Variants in NTRK3 observed in about 807,000 individuals in gnomAD.
The protein encoded by NTRK3 is neurotrophic receptor tyrosine kinase 3.
NTRK3 carries 24 observed loss-of-function variants against 91.7 expected under a neutral mutation model. That is an observed-to-expected ratio of 0.26 (90% CI 0.19 to 0.37). The LOEUF (loss-of-function observed/expected upper bound fraction) is 0.37, where lower values mean the gene tolerates loss of function less well. Ranked by LOEUF, NTRK3 falls within the 10% of genes least tolerant of loss-of-function variation. The pLI, the probability that NTRK3 is intolerant of heterozygous loss-of-function variation, is 1.00. For synonymous variants in NTRK3, 483 were observed against 404.0 expected, an observed-to-expected ratio of 1.20 and a Z score of -2.34; for missense variants, 880 against 1,068.9, an observed-to-expected ratio of 0.82 and a Z score of 2.46.
At chr15:88,217,763 A>AGTTTT (rs1567665927) in intron 3 of NTRK3, among the ~76,000 whole-genome samples, 2 of 42,150 alleles carry the variant, frequency 4.7e-5, no homozygotes, top group South Asian at 1.6e-3. Context: ...TTTGTAGCAC[A>AGTTTT]ATTTTTTTTT....
chr15:87,985,872 G>T (rs2074724658), intron 14 of NTRK3, among the ~76,000 whole-genome samples: 1 of 152,116 alleles, frequency 6.6e-6, no homozygotes, highest in Non-Finnish European at 1.5e-5. Flanking sequence ...CTCAAAAAAA[G>T]GGGGGAGGTG....
intron 14 of NTRK3, among the ~76,000 whole-genome samples, chr15:88,015,996 G>A (rs939536890): frequency 5.9e-5 from 9 of 151,316 alleles, no homozygotes; most frequent in South Asian, 4.2e-4. Flanking sequence ...TTATGAAACC[G>A]TATGCAGAAT....
intron 3 of NTRK3, among the ~76,000 whole-genome samples, chr15:88,201,211 G>C (rs2048278486): frequency 2.0e-5 from 3 of 152,218 alleles, no homozygotes; most frequent in African/African-American, 7.2e-5. Context: ...GTGCTGGCTA[G>C]ACTCTGGGGA....
intron 9 of NTRK3, 136 bp from the exon 10 acceptor site, chr15:88,135,533 C>A: frequency 2.0e-6 from 2 of 1,011,870 alleles, no homozygotes; most frequent in Non-Finnish European, 3.0e-6. Flanking sequence ...GAAGTCCCAC[C>A]ACAATCCCAG....
At chr15:88,197,643 G>T (rs535305237) in intron 3 of NTRK3, among the ~76,000 whole-genome samples, 2 of 152,194 alleles carry the variant, frequency 1.3e-5, no homozygotes, top group Non-Finnish European at 2.9e-5. Flanking sequence ...CCTGAGGCTT[G>T]AATCCAGCTG....
intron 3 of NTRK3, among the ~76,000 whole-genome samples, chr15:88,203,680 G>A (rs543824315): frequency 5.9e-5 from 9 of 152,176 alleles, no homozygotes; most frequent in East Asian, 3.9e-4. Context: ...TCCAAATAGC[G>A]AGAAGAAAGT....
At chr15:87,913,343 C>T (rs1043472894) in intron 17 of NTRK3, among the ~76,000 whole-genome samples, 30 of 151,996 alleles carry the variant, frequency 2.0e-4, no homozygotes, top group African/African-American at 7.2e-4. Flanking sequence ...CATTAGAATC[C>T]CTCCACTTGT....
chr15:88,179,827 C>A (rs1018965614), intron 5 of NTRK3, among the ~76,000 whole-genome samples: 1 of 152,120 alleles, frequency 6.6e-6, no homozygotes, highest in Non-Finnish European at 1.5e-5. Context: ...TACATACAGT[C>A]TAGAGCAAGG....
chr15:88,054,437 G>A (rs374721829), intron 13 of NTRK3, among the ~76,000 whole-genome samples: 1 of 152,140 alleles, frequency 6.6e-6, no homozygotes, highest in East Asian at 1.9e-4. Flanking sequence ...CCTGCAGCTG[G>A]TTATAAGCTC....
intron 14 of NTRK3, among the ~76,000 whole-genome samples, chr15:88,030,307 C>T (rs184855832): frequency 6.6e-6 from 1 of 152,336 alleles, no homozygotes; most frequent in African/African-American, 2.4e-5. Context: ...ACTTCCTCCA[C>T]ATGGTTTGCC....
intron 17 of NTRK3, among the ~76,000 whole-genome samples, chr15:87,883,548 T>C (rs2141494485): frequency 6.6e-6 from 1 of 151,098 alleles, no homozygotes; most frequent in South Asian, 2.1e-4. Flanking sequence ...AAAATACAAA[T>C]AATGGGTTTC....
At chr15:88,140,158 G>A (rs1267495917) in intron 6 of NTRK3, among the ~76,000 whole-genome samples, 1 of 152,136 alleles carries the variant, frequency 6.6e-6, no homozygotes, top group Admixed American at 6.5e-5. Context: ...GAGGCCTCTA[G>A]AACTGGAGAA....
intron 13 of NTRK3, among the ~76,000 whole-genome samples, chr15:88,109,543 A>G (rs550615988): frequency 7.9e-5 from 12 of 152,318 alleles, no homozygotes; most frequent in Non-Finnish European, 1.6e-4. Context: ...TGGGAGCCCA[A>G]TAAAGAGAGC....
intron 17 of NTRK3, among the ~76,000 whole-genome samples, chr15:87,918,308 T>C (rs1379796934): frequency 1.3e-5 from 2 of 152,236 alleles, no homozygotes; most frequent in Non-Finnish European, 2.9e-5. Context: ...CCTCTGTGAC[T>C]GTCCATTGAC....
chr15:88,160,907 G>C (rs1043519374), intron 5 of NTRK3, among the ~76,000 whole-genome samples: 1 of 152,160 alleles, frequency 6.6e-6, no homozygotes, highest in African/African-American at 2.4e-5. Context: ...TGAGTTGTGG[G>C]ACCTGCCCTG....
intron 13 of NTRK3, among the ~76,000 whole-genome samples, chr15:88,074,724 T>C (rs1242102972): frequency 1.3e-5 from 2 of 152,196 alleles, no homozygotes; most frequent in African/African-American, 4.8e-5. Flanking sequence ...GACCATCCCA[T>C]TTCTACCATC....
rs1481438405 is a variant in NTRK3, at chr15:88,047,833, T to C, written c.1397-14788A>G. Among the ~76,000 whole-genome samples the C allele has an allele frequency of 3.3e-5, 5 of 152,296 alleles. No individual in the cohort carries two copies. In the East Asian group the frequency reaches 9.7e-4, roughly 29 times the overall value. On this transcript the variant is annotated intron_variant, in intron 13 of 18. Transcript: ENST00000394480. ...TGGATGAAAAATGGTGTAGTAAGCCTGATAAAAAGTAACTTAGGCCTCCTG... is the reference window on the plus strand; with the variant it reads ...TGGATGAAAAATGGTGTAGTAAGCCCGATAAAAAGTAACTTAGGCCTCCTG...
At chr15:87,867,029 C>A (rs16940934) in exon 19 of NTRK3, 128,913 of 220,880 alleles carry the variant, frequency 0.58, 40,443 homozygotes, top group East Asian at 0.68. Flanking sequence ...TAAAAGAAAA[C>A]GTGTTTGGAG....
intron 5 of NTRK3, among the ~76,000 whole-genome samples, chr15:88,147,844 GTC>G (rs2043023983): frequency 6.6e-6 from 1 of 152,130 alleles, no homozygotes; most frequent in East Asian, 1.9e-4. Flanking sequence ...TTTAGCCAGT[GTC>G]TCTCCCAGCA....
Sources: allele counts gnomAD v4.1 joint callset (sites outside exome capture counted in the v4.1 genomes callset), GRCh38; gene constraint gnomAD v4.1.1; transcripts MANE v1.5; gene names NCBI Gene and HGNC (gene_info 2026-07-23, HGNC 2026-07-21).